MYRIP: variants seen among roughly 807,000 people sequenced by gnomAD.
MYRIP encodes the protein myosin VIIA and Rab interacting protein.
MYRIP carries 49 observed loss-of-function variants against 98.0 expected under a neutral mutation model. That is an observed-to-expected ratio of 0.50 (90% CI 0.40 to 0.63). The LOEUF is 0.63. MYRIP is among the 30% of genes least tolerant of loss of function. The probability of loss-of-function intolerance (pLI) is 0.00; values close to 1 mark genes in which losing one functional copy is unlikely to be tolerated. For missense variants in MYRIP, 1,004 were observed against 1,058.2 expected (o/e 0.95, Z 0.71); for synonymous variants, 404 against 409.5 (o/e 0.99, Z 0.16).
chr3:40,038,324 AC>A (rs573163904), intron 2 of MYRIP, among the ~76,000 whole-genome samples: 97 of 152,254 alleles, frequency 6.4e-4, no homozygotes, highest in Non-Finnish European at 1.2e-3. Context: ...AAGTGAGTTT[AC>A]TTTAAAAAAT....
intron 2 of MYRIP, among the ~76,000 whole-genome samples, chr3:39,902,752 A>G (rs1943773846): frequency 6.6e-6 from 1 of 152,208 alleles, no homozygotes; most frequent in African/African-American, 2.4e-5. Context: ...GACTTGCCTT[A>G]GCTCCATTGC....
chr3:40,058,731 G>A (rs1267038300), intron 3 of MYRIP, among the ~76,000 whole-genome samples: 3 of 152,018 alleles, frequency 2.0e-5, no homozygotes, highest in Non-Finnish European at 4.4e-5. Flanking sequence ...TACTTGGGTT[G>A]TATTCACTAA....
chr3:40,184,816 T>C lies in MYRIP; in HGVS notation c.1027+2443T>C, dbSNP rs148545310. 7.3e-3 allele frequency among the ~76,000 whole-genome samples: 1,105 copies of C among 152,312 alleles called. 9 individuals are homozygous for C. The highest frequency in any genetic ancestry group is 0.012 in the Non-Finnish European group (803 of 68,018). ...CCATAGGTAATTTTTCAATTGTATA[T>C]AAACATAAAACTTAGTTCCACAGCA... is the stretch of plus-strand genomic sequence containing the variant. On this transcript the variant is annotated intron_variant, in intron 9 of 16. Coordinates refer to ENST00000302541, the MANE Select transcript of MYRIP (RefSeq NM_015460.4).
intron 12 of MYRIP, among the ~76,000 whole-genome samples, chr3:40,243,704 C>T (rs1047871566): frequency 2.0e-5 from 3 of 152,082 alleles, no homozygotes; most frequent in African/African-American, 7.2e-5. Context: ...GGCCCACATC[C>T]CTTAGTCTGA....
At chr3:39,832,693 G>T (rs1424202572) in intron 1 of MYRIP, among the ~76,000 whole-genome samples, 1 of 152,156 alleles carries the variant, frequency 6.6e-6, no homozygotes, top group East Asian at 1.9e-4. Context: ...TTAGTGTAAA[G>T]CAGTGCCCCC....
intron 3 of MYRIP, among the ~76,000 whole-genome samples, chr3:40,113,379 G>A (rs28403944): frequency 0.015 from 2,336 of 152,142 alleles, 66 homozygotes; most frequent in African/African-American, 0.053. Flanking sequence ...TCCTCACCTC[G>A]AGTGATCTTC....
intron 1 of MYRIP, among the ~76,000 whole-genome samples, chr3:39,863,518 G>A (rs2125621151): frequency 6.6e-6 from 1 of 151,814 alleles, no homozygotes; most frequent in Admixed American, 6.6e-5. Flanking sequence ...CCTCTCAGAG[G>A]CTACTATGAA....
At chr3:39,857,281 A>AAGG (rs1235332413) in intron 1 of MYRIP, among the ~76,000 whole-genome samples, 1 of 76,850 alleles carries the variant, frequency 1.3e-5, no homozygotes, top group Admixed American at 1.2e-4. Flanking sequence ...AAGGAAGGAA[A>AAGG]AATGAGTATC....
intron 2 of MYRIP, among the ~76,000 whole-genome samples, chr3:39,915,095 A>G (rs1944120950): frequency 6.6e-6 from 1 of 152,060 alleles, no homozygotes; most frequent in African/African-American, 2.4e-5. Context: ...AAATTATTCT[A>G]ACTCGAGGAA....
At chr3:40,255,564 G>T (rs1953556259) in intron 16 of MYRIP, among the ~76,000 whole-genome samples, 1 of 152,160 alleles carries the variant, frequency 6.6e-6, no homozygotes, top group African/African-American at 2.4e-5. Context: ...AAATAGGGCA[G>T]AAATAATTAC....
intron 1 of MYRIP, among the ~76,000 whole-genome samples, chr3:39,891,930 TATA>T (rs1943499296): frequency 1.3e-5 from 2 of 152,080 alleles, no homozygotes; most frequent in Admixed American, 6.6e-5. Flanking sequence ...TGACTTTATT[TATA>T]ATGACTTTGA....
At chr3:40,019,218 G>A (rs1006864723) in intron 2 of MYRIP, among the ~76,000 whole-genome samples, 12 of 152,076 alleles carry the variant, frequency 7.9e-5, no homozygotes, top group African/African-American at 2.9e-4. Context: ...CTTTGGGGTG[G>A]TGTGCAAGGC....
At position 40,189,899 on chromosome 3, in the gene MYRIP, A is replaced by C. The variant is rs751137339; in HGVS notation, c.1101A>C (p.Arg367=). ...ALKDGAPPPT[R]LLAKPKSGTF... ...AGGATGGCGCTCCACCCCCCACCCG[A>C]CTACTGGCCAAACCTAAGAGCGGGA... is the stretch of plus-strand genomic sequence containing the variant. The change falls in exon 10 of 17, where the codon CGA becomes CGC. Residue 367 remains arginine, a synonymous_variant. Transcript: ENST00000302541. The C allele has an allele frequency of 1.1e-5, 18 of 1,614,050 alleles. No homozygotes were observed. Among genetic ancestry groups the C allele is most frequent in the Non-Finnish European group, 1.4e-5 (17 of 1,180,000 alleles).
At chr3:39,862,689 A>T (rs565832048) in intron 1 of MYRIP, among the ~76,000 whole-genome samples, 110 of 152,324 alleles carry the variant, frequency 7.2e-4, no homozygotes, top group African/African-American at 2.6e-3. Flanking sequence ...ATACAATAGT[A>T]CTGGGAGACT....
intron 2 of MYRIP, among the ~76,000 whole-genome samples, chr3:39,937,094 C>T (rs1944670498): frequency 6.6e-6 from 1 of 152,150 alleles, no homozygotes; most frequent in Admixed American, 6.5e-5. Context: ...TCATCTTGCT[C>T]CAACCCAGGT....
At chr3:39,977,997 C>T (rs1168521025) in intron 2 of MYRIP, among the ~76,000 whole-genome samples, 1 of 138,038 alleles carries the variant, frequency 7.2e-6, no homozygotes, top group Non-Finnish European at 1.5e-5. Flanking sequence ...ATACAAATAA[C>T]ATCCATTTAT....
At chr3:39,907,743 C>T (rs1228611365) in intron 2 of MYRIP, among the ~76,000 whole-genome samples, 2 of 152,124 alleles carry the variant, frequency 1.3e-5, no homozygotes, top group Non-Finnish European at 2.9e-5. Flanking sequence ...CAACCTTTGA[C>T]TTGTAGATGA....
chr3:39,965,915 T>C (rs1945428674), intron 2 of MYRIP, among the ~76,000 whole-genome samples: 1 of 152,200 alleles, frequency 6.6e-6, no homozygotes, highest in African/African-American at 2.4e-5. Context: ...TTGTATATGT[T>C]TGATATCAGT....
chr3:40,175,061 A>G (rs1950719065), intron 8 of MYRIP, among the ~76,000 whole-genome samples: 1 of 152,144 alleles, frequency 6.6e-6, no homozygotes, highest in Admixed American at 6.5e-5. Context: ...GAATGGCATG[A>G]ACCTGGGAGG....
Sources: allele counts gnomAD v4.1 joint callset (sites outside exome capture counted in the v4.1 genomes callset), GRCh38; gene constraint gnomAD v4.1.1; transcripts MANE v1.5; gene names NCBI Gene and HGNC (gene_info 2026-07-23, HGNC 2026-07-21).